Variants in LRMDA observed in about 807,000 individuals in gnomAD.
The protein encoded by LRMDA is leucine-rich melanocyte differentiation-associated protein.
A neutral mutation model predicts 29.8 loss-of-function variants in LRMDA; 18 were observed. The observed-to-expected ratio is 0.60, with a 90% CI of 0.42 to 0.90. The LOEUF (loss-of-function observed/expected upper bound fraction) is 0.90. Ranked by LOEUF, LRMDA falls within the 40% of genes least tolerant of loss-of-function variation. The pLI is 0.00. For synonymous variants in LRMDA, 125 were observed against 109.4 expected, an observed-to-expected ratio of 1.14 and a Z score of -0.89; for missense variants, 273 against 273.9, an observed-to-expected ratio of 1.00 and a Z score of 0.02.
intron 1 of LRMDA, among the ~76,000 whole-genome samples, chr10:75,434,128 A>G (rs1413142580): frequency 6.6e-6 from 1 of 152,232 alleles, no homozygotes; most frequent in Non-Finnish European, 1.5e-5. Context: ...GCTTATGACA[A>G]CGTAATACGA....
intron 2 of LRMDA, among the ~76,000 whole-genome samples, chr10:75,475,161 C>T (rs1010458477): frequency 5.9e-5 from 9 of 152,176 alleles, no homozygotes; most frequent in African/African-American, 2.2e-4. Context: ...TGCTGCACCC[C>T]TGGTTGGGCA....
intron 2 of LRMDA, among the ~76,000 whole-genome samples, chr10:75,617,824 A>G (rs1378343030): frequency 1.3e-5 from 2 of 152,160 alleles, no homozygotes. Flanking sequence ...CAATCTATCC[A>G]TGTCTGAGCC....
intron 6 of LRMDA, among the ~76,000 whole-genome samples, chr10:76,418,858 A>G (rs1564536084): frequency 6.6e-6 from 1 of 152,098 alleles, no homozygotes; most frequent in Non-Finnish European, 1.5e-5. Context: ...TGTAGAGGTG[A>G]TCATTTGCTT....
intron 6 of LRMDA, among the ~76,000 whole-genome samples, chr10:76,450,585 A>G (rs908588768): frequency 6.6e-6 from 1 of 152,134 alleles, no homozygotes; most frequent in South Asian, 2.1e-4. Flanking sequence ...ATCTGGATCT[A>G]AATTGTCCTC....
At chr10:76,188,518 A>T (rs2132217946) in intron 5 of LRMDA, among the ~76,000 whole-genome samples, 1 of 152,298 alleles carries the variant, frequency 6.6e-6, no homozygotes, top group East Asian at 1.9e-4. Flanking sequence ...GGGGTCGGCT[A>T]GTTCCCTCTT....
At chr10:75,935,583 G>A (rs1564611433) in intron 2 of LRMDA, among the ~76,000 whole-genome samples, 1 of 152,178 alleles carries the variant, frequency 6.6e-6, no homozygotes, top group South Asian at 2.1e-4. Context: ...ATGTCAATAC[G>A]TTAAGCCTGC....
At chr10:75,670,319 A>G (rs1368606243) in intron 2 of LRMDA, among the ~76,000 whole-genome samples, 1 of 152,256 alleles carries the variant, frequency 6.6e-6, no homozygotes, top group Non-Finnish European at 1.5e-5. Flanking sequence ...AAGTCAGAGG[A>G]TGCAGAACGG....
intron 5 of LRMDA, among the ~76,000 whole-genome samples, chr10:76,235,643 C>T (rs1181577436): frequency 6.6e-6 from 1 of 152,114 alleles, no homozygotes; most frequent in Non-Finnish European, 1.5e-5. Flanking sequence ...ATAATTGTCC[C>T]TGGCTGATAA....
intron 5 of LRMDA, among the ~76,000 whole-genome samples, chr10:76,299,116 C>T (rs1284983516): frequency 6.6e-6 from 1 of 151,858 alleles, no homozygotes; most frequent in Non-Finnish European, 1.5e-5. Flanking sequence ...AGATGTTCCT[C>T]CTGCATATAC....
chr10:75,531,020 C>T (rs1342619787), intron 2 of LRMDA, among the ~76,000 whole-genome samples: 5 of 152,190 alleles, frequency 3.3e-5, no homozygotes, highest in African/African-American at 1.2e-4. Context: ...TCTGTTGTCA[C>T]AACAGCTCAC....
intron 5 of LRMDA, among the ~76,000 whole-genome samples, chr10:76,220,796 A>G (rs1851817715): frequency 6.6e-6 from 1 of 152,216 alleles, no homozygotes; most frequent in Admixed American, 6.5e-5. Context: ...CCTGATACCA[A>G]AGCCGAGCAG....
At chr10:76,545,291 G>A (rs1388092920) in intron 6 of LRMDA, among the ~76,000 whole-genome samples, 2 of 151,674 alleles carry the variant, frequency 1.3e-5, no homozygotes, top group Non-Finnish European at 2.9e-5. Flanking sequence ...CAGAACTGTG[G>A]ATGTTCCCTG....
chr10:76,010,425 G>A (rs1847756960), intron 2 of LRMDA, among the ~76,000 whole-genome samples: 1 of 150,410 alleles, frequency 6.6e-6, no homozygotes, highest in Admixed American at 6.7e-5. Context: ...CAATTCTCCT[G>A]CCTCAGCCTC....
intron 5 of LRMDA, chr10:76,270,219 A>G (rs889020239): frequency 1.3e-5 from 2 of 152,240 alleles, no homozygotes; most frequent in African/African-American, 4.8e-5. Context: ...TCTCAAAGAA[A>G]ATGCATGAGA....
At chr10:75,990,925 C>T (rs1399784065) in intron 2 of LRMDA, among the ~76,000 whole-genome samples, 1 of 150,432 alleles carries the variant, frequency 6.6e-6, no homozygotes, top group Non-Finnish European at 1.5e-5. Flanking sequence ...ATCTGGGAGG[C>T]TTGTTTGGAT....
At chr10:76,137,695 C>T (rs980197298) in intron 5 of LRMDA, among the ~76,000 whole-genome samples, 1 of 151,552 alleles carries the variant, frequency 6.6e-6, no homozygotes, top group East Asian at 1.9e-4. Context: ...TGACTGAAGT[C>T]CATCGTAAAC....
At chr10:75,511,039 T>C (rs1845219985) in intron 2 of LRMDA, among the ~76,000 whole-genome samples, 1 of 152,158 alleles carries the variant, frequency 6.6e-6, no homozygotes, top group South Asian at 2.1e-4. Flanking sequence ...AGCCTCACCT[T>C]TTATGGATTA....
intron 2 of LRMDA, among the ~76,000 whole-genome samples, chr10:75,859,124 T>C (rs1844875813): frequency 6.6e-6 from 1 of 152,244 alleles, no homozygotes; most frequent in Non-Finnish European, 1.5e-5. Flanking sequence ...AGCTTTCTAA[T>C]GGGCATTTTG....
intron 6 of LRMDA, among the ~76,000 whole-genome samples, chr10:76,471,130 A>G (rs952916571): frequency 1.3e-5 from 2 of 151,830 alleles, no homozygotes; most frequent in African/African-American, 4.8e-5. Context: ...GGAACAAATG[A>G]AAAGAATCAG....
Sources: gnomAD v4.1 joint callset for allele counts (sites outside exome capture counted in the v4.1 genomes callset) on GRCh38, gnomAD v4.1.1 for gene constraint, MANE v1.5 for transcripts, NCBI Gene and HGNC (gene_info 2026-07-23, HGNC 2026-07-21) for gene names.